EYS: variants seen among roughly 807,000 people sequenced by gnomAD.
EYS encodes protein eyes shut homolog.
EYS carries 250 observed loss-of-function variants against 282.1 expected under a neutral mutation model. The observed-to-expected ratio is 0.89, with a 90% CI of 0.80 to 0.98. The LOEUF (loss-of-function observed/expected upper bound fraction) is 0.98. Ranked by LOEUF, EYS falls within the 50% of genes least tolerant of loss-of-function variation. EYS has a pLI of 0.00. For synonymous variants in EYS, 1,355 were observed against 1,282.9 expected, an observed-to-expected ratio of 1.06 and a Z score of -1.20; for missense variants, 4,016 against 3,709.0, an observed-to-expected ratio of 1.08 and a Z score of -2.15.
intron 22 of EYS, among the ~76,000 whole-genome samples, chr6:64,774,789 C>G (rs1360534804): frequency 6.6e-6 from 1 of 151,794 alleles, no homozygotes; most frequent in Admixed American, 6.6e-5. Flanking sequence ...AATTTTGGGC[C>G]CATCTTTCCC....
At chr6:64,023,415 C>A (rs1769286907) in intron 33 of EYS, among the ~76,000 whole-genome samples, 1 of 152,200 alleles carries the variant, frequency 6.6e-6, no homozygotes, top group Non-Finnish European at 1.5e-5. Flanking sequence ...TTTAGAGCAA[C>A]CATTAAACTG....
chr6:65,049,244 T>A (rs1773195513), intron 13 of EYS, among the ~76,000 whole-genome samples: 1 of 151,826 alleles, frequency 6.6e-6, no homozygotes, highest in Non-Finnish European at 1.5e-5. Flanking sequence ...CAGTTCTGGT[T>A]TGAATTCTGT....
intron 36 of EYS, among the ~76,000 whole-genome samples, chr6:63,846,850 A>C (rs1003545746): frequency 2.6e-5 from 4 of 152,206 alleles, no homozygotes; most frequent in African/African-American, 9.7e-5. Flanking sequence ...TCAATAAAAA[A>C]AATTTAAAAT....
chr6:63,943,005 A>G (rs1765288906), intron 35 of EYS, among the ~76,000 whole-genome samples: 1 of 152,194 alleles, frequency 6.6e-6, no homozygotes, highest in Non-Finnish European at 1.5e-5. Flanking sequence ...TACAGTATAT[A>G]ATGTATATAA....
rs181295387 is a variant in EYS at position 64,850,703 on chromosome 6, G to A, written c.2993-27881C>T. On this transcript the variant is annotated intron_variant, in intron 19 of 42. Transcript: ENST00000503581. ...CTAAAGTTTTTTAAAAGTTTTTTAA[G>A]CATGAAGGTAACATAATAGACATTA... Among the ~76,000 whole-genome samples, 640 of 152,112 alleles carry A rather than the reference G, an allele frequency of 4.2e-3. 2 individuals are homozygous for A. Among genetic ancestry groups the A allele is most frequent in the Non-Finnish European group, 7.0e-3 (479 of 67,954 alleles).
intron 12 of EYS, among the ~76,000 whole-genome samples, chr6:65,170,800 T>A (rs1167416153): frequency 6.6e-6 from 1 of 151,448 alleles, no homozygotes; most frequent in Non-Finnish European, 1.5e-5. Flanking sequence ...GATGAAAAAT[T>A]AACAACAAAA....
rs115377923 is a variant in EYS, at chr6:64,994,592, A to G, written c.2259+2990T>C. The stretch of plus-strand genomic sequence containing the variant: ...ATTAAATATTCTGCAGAAAAATCCA[A>G]CTCTGTGCCTTTCTAATTTTCTCTT... On this transcript the variant is annotated intron_variant, in intron 14 of 42. Transcript: ENST00000503581. Among the ~76,000 whole-genome samples, 786 of 152,054 alleles carry G rather than the reference A, an allele frequency of 5.2e-3. 8 individuals are homozygous for G. Among genetic ancestry groups the G allele is most frequent in the African/African-American group, 0.018 (729 of 41,476 alleles).
chr6:64,795,844 A>G (rs1774339624), intron 22 of EYS, among the ~76,000 whole-genome samples: 1 of 152,220 alleles, frequency 6.6e-6, no homozygotes. Context: ...AAACATATAC[A>G]TGCTCAGATC....
intron 31 of EYS, among the ~76,000 whole-genome samples, chr6:64,211,898 T>A (rs866306998): frequency 6.6e-6 from 1 of 151,726 alleles, no homozygotes; most frequent in Non-Finnish European, 1.5e-5. Flanking sequence ...GGCAGGTCAC[T>A]TGCGATCAGG....
chr6:65,115,250 T>G (rs1191720869), intron 12 of EYS, among the ~76,000 whole-genome samples: 1 of 152,054 alleles, frequency 6.6e-6, no homozygotes, highest in African/African-American at 2.4e-5. Context: ...AACAAAAAAT[T>G]TTATACAAAG....
At chr6:65,556,323 T>C (rs1407036989) in intron 2 of EYS, among the ~76,000 whole-genome samples, 1 of 151,946 alleles carries the variant, frequency 6.6e-6, no homozygotes, top group East Asian at 1.9e-4. Context: ...AATATATGCA[T>C]AACTGAACTC....
intron 36 of EYS, among the ~76,000 whole-genome samples, chr6:63,849,683 A>G (rs1418167866): frequency 1.3e-5 from 2 of 152,234 alleles, no homozygotes; most frequent in African/African-American, 4.8e-5. Context: ...CAATAGCATC[A>G]AAGATCAAAG....
chr6:65,469,596 T>C (rs1765131825), intron 5 of EYS, among the ~76,000 whole-genome samples: 1 of 152,152 alleles, frequency 6.6e-6, no homozygotes, highest in Non-Finnish European at 1.5e-5. Context: ...AATTTTGTTT[T>C]TCTTTTAAAA....
chr6:64,970,223 A>C (rs1770244144), intron 14 of EYS, among the ~76,000 whole-genome samples: 1 of 152,214 alleles, frequency 6.6e-6, no homozygotes, highest in Non-Finnish European at 1.5e-5. Context: ...TTATCGTATT[A>C]TTCACTACCA....
At chr6:64,536,875 T>G (rs563221435) in intron 26 of EYS, among the ~76,000 whole-genome samples, 1 of 151,836 alleles carries the variant, frequency 6.6e-6, no homozygotes, top group Admixed American at 6.6e-5. Flanking sequence ...GTATAAATCT[T>G]TAGCCAATCA....
At chr6:65,560,210 T>G (rs7773855) in intron 2 of EYS, among the ~76,000 whole-genome samples, 4 of 116,272 alleles carry the variant, frequency 3.4e-5, no homozygotes, top group Non-Finnish European at 5.2e-5. Context: ...CTTATATTTA[T>G]ATTATAAAAT....
At chr6:65,071,259 C>A (rs995192417) in intron 12 of EYS, among the ~76,000 whole-genome samples, 4 of 151,536 alleles carry the variant, frequency 2.6e-5, no homozygotes, top group African/African-American at 9.7e-5. Context: ...AATTTAAATC[C>A]ACTCTAGAGA....
At chr6:65,049,237 T>C (rs1324307899) in intron 13 of EYS, among the ~76,000 whole-genome samples, 2 of 151,766 alleles carry the variant, frequency 1.3e-5, no homozygotes, top group South Asian at 2.1e-4. Flanking sequence ...TGGGTGACAG[T>C]TCTGGTTTGA....
At chr6:65,651,853 C>G (rs995745412) in intron 1 of EYS, among the ~76,000 whole-genome samples, 1 of 151,786 alleles carries the variant, frequency 6.6e-6, no homozygotes, top group African/African-American at 2.4e-5. Context: ...AGCAGTCATA[C>G]TGAAAAAATA....
Sources: allele counts gnomAD v4.1 joint callset (sites outside exome capture counted in the v4.1 genomes callset), GRCh38; gene constraint gnomAD v4.1.1; transcripts MANE v1.5; gene names NCBI Gene and HGNC (gene_info 2026-07-23, HGNC 2026-07-21).